Variants in POSTN observed in about 807,000 individuals in gnomAD.
The protein encoded by POSTN is osteoblast specific factor 2 (fasciclin I-like).
In POSTN, 71 loss-of-function variants were observed where a neutral mutation model predicts 104.5. That is an observed-to-expected ratio of 0.68 (90% CI 0.56 to 0.83). The LOEUF (loss-of-function observed/expected upper bound fraction) is 0.83. Among genes scored for constraint, POSTN ranks in the 40% least tolerant of loss-of-function variants. POSTN has a pLI of 0.00. For synonymous variants in POSTN, 355 were observed against 340.7 expected, an observed-to-expected ratio of 1.04 and a Z score of -0.46; for missense variants, 949 against 1,006.8, an observed-to-expected ratio of 0.94 and a Z score of 0.78.
intron 2 of POSTN, among the ~76,000 whole-genome samples, chr13:37,595,175 G>A (rs1566038094): frequency 6.6e-6 from 1 of 152,054 alleles, no homozygotes; most frequent in Admixed American, 6.5e-5. Flanking sequence ...TAGGAAGGAT[G>A]TAATAAGCAT....
intron 8 of POSTN, among the ~76,000 whole-genome samples, chr13:37,584,434 A>C (rs879282790): frequency 6.6e-6 from 1 of 152,084 alleles, no homozygotes; most frequent in Non-Finnish European, 1.5e-5. Flanking sequence ...ATTTGGTTAG[A>C]TCTTTCCTTC....
chr13:37,575,143 A>G (rs538630989), intron 16 of POSTN, among the ~76,000 whole-genome samples: 2 of 152,186 alleles, frequency 1.3e-5, no homozygotes, highest in East Asian at 3.9e-4. Flanking sequence ...AAAAAATGAA[A>G]CATAGTTCAG....
intron 2 of POSTN, among the ~76,000 whole-genome samples, chr13:37,594,497 C>G (rs1286739213): frequency 7.1e-6 from 1 of 139,988 alleles, no homozygotes; most frequent in East Asian, 2.0e-4. Flanking sequence ...CTCAATGTTC[C>G]CATATGGTCA....
At chr13:37,564,222 ATATAT>A (rs1421668318) in intron 22 of POSTN, among the ~76,000 whole-genome samples, 1 of 128,716 alleles carries the variant, frequency 7.8e-6, no homozygotes, top group African/African-American at 2.9e-5. Flanking sequence ...ATATATATAT[ATATAT>A]ATGTATGGAG....
intron 4 of POSTN, among the ~76,000 whole-genome samples, chr13:37,588,490 A>T (rs560824135): frequency 1.3e-5 from 2 of 152,308 alleles, no homozygotes; most frequent in Non-Finnish European, 2.9e-5. Context: ...AAATATAATG[A>T]TAAGTAAAGC....
At chr13:37,595,148 C>T (rs2138404077) in intron 2 of POSTN, among the ~76,000 whole-genome samples, 1 of 151,870 alleles carries the variant, frequency 6.6e-6, no homozygotes, top group East Asian at 1.9e-4. Context: ...AAATTTATGG[C>T]ATTCTTCTCT....
At chr13:37,577,615 T>C (rs996875189) in intron 16 of POSTN, 138 bp downstream of exon 16, 1 of 1,369,088 alleles carries the variant, frequency 7.3e-7, no homozygotes, top group African/African-American at 1.5e-5. Context: ...CAATCCTTTT[T>C]TCAAGTGAAA....
chr13:37,597,144 T>C (rs756300890), intron 2 of POSTN, 40 bp downstream of exon 2: 1 of 1,374,194 alleles, frequency 7.3e-7, no homozygotes, highest in South Asian at 1.4e-5. Context: ...ATGATGTTGT[T>C]TTTGGAACTG....
chr13:37,579,199 A>G lies in POSTN; in HGVS notation c.1791+30T>C, dbSNP rs1466097769. The stretch of plus-strand genomic sequence containing the variant: ...TTAGATAACTTAATGATGGATGAAC[A>G]CTATCATAAATTCATTCTAGACAAC... On this transcript the variant is annotated intron_variant, in intron 13 of 22. Coordinates refer to ENST00000379747, the MANE Select transcript of POSTN (RefSeq NM_006475.3). 1.8e-5 allele frequency: 29 copies of G among 1,607,300 alleles called. No homozygotes were observed. In the East Asian group the frequency reaches 5.8e-4, roughly 32 times the overall value.
chr13:37,596,546 T>C (rs1951091852), intron 2 of POSTN, among the ~76,000 whole-genome samples: 1 of 152,218 alleles, frequency 6.6e-6, no homozygotes, highest in Non-Finnish European at 1.5e-5. Flanking sequence ...TGTTAAAACA[T>C]AATCATCCTT....
chr13:37,582,231 C>T (rs1459731778), intron 10 of POSTN, 135 bp downstream of exon 10: 2 of 984,458 alleles, frequency 2.0e-6, no homozygotes, highest in Non-Finnish European at 2.9e-6. Context: ...TTCACCCAAG[C>T]TACCCAGTTC....
chr13:37,597,770 G>A (rs1951126263), intron 1 of POSTN, among the ~76,000 whole-genome samples: 1 of 152,170 alleles, frequency 6.6e-6, no homozygotes, highest in Non-Finnish European at 1.5e-5. Flanking sequence ...AATCACAGAA[G>A]TAAATGTGCT....
intron 16 of POSTN, among the ~76,000 whole-genome samples, chr13:37,575,882 T>C (rs1409858857): frequency 6.6e-6 from 1 of 152,164 alleles, no homozygotes; most frequent in African/African-American, 2.4e-5. Context: ...CAGGTGGTCT[T>C]GCCACAGAAG....
chr13:37,596,043 C>T (rs1951076737), intron 2 of POSTN, among the ~76,000 whole-genome samples: 1 of 151,992 alleles, frequency 6.6e-6, no homozygotes, highest in Admixed American at 6.6e-5. Flanking sequence ...CACAAGTGAT[C>T]CACCTGTCTC....
intron 2 of POSTN, 131 bp from the exon 3 acceptor site, chr13:37,592,295 CT>C (rs1950959286): frequency 6.4e-6 from 4 of 624,842 alleles, no homozygotes; most frequent in African/African-American, 1.9e-5. Flanking sequence ...TTTTTCCCCC[CT>C]GATTTTTTCT....
chr13:37,569,493 A>G, intron 20 of POSTN, 110 bp from the exon 21 acceptor site: 1 of 938,586 alleles, frequency 1.1e-6, no homozygotes, highest in Non-Finnish European at 1.7e-6. Context: ...CCAGCCCAAC[A>G]CTCGATTCTT....
chr13:37,596,059 C>T (rs1364865256), intron 2 of POSTN, among the ~76,000 whole-genome samples: 1 of 151,992 alleles, frequency 6.6e-6, no homozygotes, highest in African/African-American at 2.4e-5. Flanking sequence ...GTCTCAGCCC[C>T]CCCAAAGTGC....
chr13:37,587,465 T>C (rs574564882), intron 5 of POSTN, among the ~76,000 whole-genome samples: 1 of 152,288 alleles, frequency 6.6e-6, no homozygotes, highest in South Asian at 2.1e-4. Flanking sequence ...AACACACAAG[T>C]ACTTCAGTTA....
intron 1 of POSTN, among the ~76,000 whole-genome samples, chr13:37,597,932 T>C (rs1167862085): frequency 6.6e-6 from 1 of 152,172 alleles, no homozygotes; most frequent in Non-Finnish European, 1.5e-5. Flanking sequence ...TCAAAGAAGC[T>C]TGTGAACATT....
Sources: allele counts gnomAD v4.1 joint callset (sites outside exome capture counted in the v4.1 genomes callset), GRCh38; gene constraint gnomAD v4.1.1; transcripts MANE v1.5; gene names NCBI Gene and HGNC (gene_info 2026-07-23, HGNC 2026-07-21).